Variants in RGS6 observed in about 807,000 individuals in gnomAD.
RGS6 encodes regulator of G-protein signaling 6.
A neutral mutation model predicts 78.5 loss-of-function variants in RGS6; 30 were observed. The observed-to-expected ratio is 0.38, with a 90% CI of 0.29 to 0.52. The LOEUF (loss-of-function observed/expected upper bound fraction) is 0.52, where lower values mean the gene tolerates loss of function less well. Ranked by LOEUF, RGS6 falls within the 20% of genes least tolerant of loss-of-function variation. RGS6 has a pLI of 0.85. For missense variants in RGS6, 495 were observed against 609.7 expected (o/e 0.81, Z 1.98); for synonymous variants, 206 against 206.0 (o/e 1.00, Z 0.00).
intron 2 of RGS6, among the ~76,000 whole-genome samples, chr14:71,984,874 AG>A (rs1162677778): frequency 6.6e-6 from 1 of 152,178 alleles, no homozygotes; most frequent in African/African-American, 2.4e-5. Context: ...CCATTTAAAA[AG>A]TAATAATTCA....
intron 2 of RGS6, among the ~76,000 whole-genome samples, chr14:72,168,749 C>T (rs576222687): frequency 6.6e-4 from 100 of 152,316 alleles, no homozygotes; most frequent in African/African-American, 2.2e-3. Context: ...GGGAGAAGTA[C>T]GGCTCTGCTA....
chr14:71,971,866 T>C (rs2093822350), intron 2 of RGS6, among the ~76,000 whole-genome samples: 1 of 151,700 alleles, frequency 6.6e-6, no homozygotes, highest in Non-Finnish European at 1.5e-5. Flanking sequence ...TAGTTATTTA[T>C]GACACGTGTC....
chr14:72,466,706 G>T (rs2095923512), intron 7 of RGS6, among the ~76,000 whole-genome samples: 1 of 152,238 alleles, frequency 6.6e-6, no homozygotes, highest in Admixed American at 6.5e-5. Context: ...ATCAATGATT[G>T]CTAGTGGTTA....
chr14:72,162,557 G>C (rs1307160951), intron 2 of RGS6, among the ~76,000 whole-genome samples: 1 of 152,188 alleles, frequency 6.6e-6, no homozygotes, highest in African/African-American at 2.4e-5. Context: ...CCAGGCAACT[G>C]TAAGACAGCG....
intron 14 of RGS6, among the ~76,000 whole-genome samples, chr14:72,517,595 C>T (rs1196609783): frequency 6.6e-6 from 1 of 152,204 alleles, no homozygotes; most frequent in Non-Finnish European, 1.5e-5. Context: ...TCAACATATG[C>T]CTCTTCAGCA....
At chr14:72,080,816 T>C (rs2094790685) in intron 2 of RGS6, among the ~76,000 whole-genome samples, 1 of 152,026 alleles carries the variant, frequency 6.6e-6, no homozygotes, top group African/African-American at 2.4e-5. Context: ...TGTAAAAAAA[T>C]CTATTGACCA....
chr14:72,581,085 C>G, the RGS6 span, among the ~76,000 whole-genome samples: 1 of 152,190 alleles, frequency 6.6e-6, no homozygotes, highest in East Asian at 1.9e-4. Context: ...CAAGGGGAAT[C>G]AATAGCAGTC....
At chr14:71,874,454 G>A in the RGS6 span, among the ~76,000 whole-genome samples, 2 of 152,216 alleles carry the variant, frequency 1.3e-5, no homozygotes, top group East Asian at 3.9e-4. Context: ...GTTTGTTGGT[G>A]GTGTATAGGA....
intron 2 of RGS6, among the ~76,000 whole-genome samples, chr14:72,263,055 C>T (rs2058445624): frequency 1.3e-5 from 2 of 152,128 alleles, no homozygotes. Flanking sequence ...ATATTAGCAG[C>T]CTGGACCCAG....
intron 12 of RGS6, among the ~76,000 whole-genome samples, chr14:72,491,985 G>A (rs1428392491): frequency 6.6e-6 from 1 of 152,118 alleles, no homozygotes; most frequent in Non-Finnish European, 1.5e-5. Context: ...GAGAAATTGA[G>A]CCACATACGC....
At chr14:72,280,261 G>A (rs1049671956) in intron 2 of RGS6, among the ~76,000 whole-genome samples, 6 of 152,052 alleles carry the variant, frequency 3.9e-5, no homozygotes, top group African/African-American at 1.2e-4. Flanking sequence ...ATCAGAAAAA[G>A]TGAATAGGTT....
intron 2 of RGS6, among the ~76,000 whole-genome samples, chr14:72,195,532 G>C (rs556883514): frequency 1.3e-5 from 2 of 152,202 alleles, no homozygotes; most frequent in Non-Finnish European, 2.9e-5. Context: ...GAGAAGAAAA[G>C]AGGAATTAGC....
chr14:72,072,135 G>T (rs910985862), intron 2 of RGS6, among the ~76,000 whole-genome samples: 5 of 152,192 alleles, frequency 3.3e-5, no homozygotes, highest in African/African-American at 1.2e-4. Context: ...GGCAGGTGCT[G>T]TTGTTAAGCC....
At chr14:72,608,983 A>T in the RGS6 span, among the ~76,000 whole-genome samples, 4 of 152,332 alleles carry the variant, frequency 2.6e-5, no homozygotes, top group East Asian at 5.8e-4. Flanking sequence ...CAGGATCTCT[A>T]CATTTGCAAG....
At chr14:72,124,544 C>T (rs2096140336) in intron 2 of RGS6, among the ~76,000 whole-genome samples, 2 of 152,146 alleles carry the variant, frequency 1.3e-5, no homozygotes, top group South Asian at 4.2e-4. Context: ...GTGTCTTAGG[C>T]ATTTGAAATA....
chr14:72,216,936 C>G (rs988324730), intron 2 of RGS6, among the ~76,000 whole-genome samples: 2 of 152,086 alleles, frequency 1.3e-5, no homozygotes, highest in Non-Finnish European at 2.9e-5. Context: ...ATAGAAATAA[C>G]TTTGACCTTT....
At chr14:72,185,257 C>T (rs1404614330) in intron 2 of RGS6, among the ~76,000 whole-genome samples, 1 of 152,058 alleles carries the variant, frequency 6.6e-6, no homozygotes, top group Non-Finnish European at 1.5e-5. Flanking sequence ...TCTCCCAGTC[C>T]ACTGACTCAA....
intron 2 of RGS6, among the ~76,000 whole-genome samples, chr14:72,336,028 T>C (rs1520331): frequency 0.56 from 84,605 of 152,020 alleles, 24,326 homozygotes; most frequent in African/African-American, 0.69. Context: ...ACTCAGGTCA[T>C]CATGTTTCTG....
At chr14:72,394,456 T>C (rs78329089) in intron 3 of RGS6, among the ~76,000 whole-genome samples, 3,690 of 152,264 alleles carry the variant, frequency 0.024, 92 homozygotes, top group South Asian at 0.088. Flanking sequence ...TAACATCTTA[T>C]CAACCGTAAA....
Sources: gnomAD v4.1 joint callset for allele counts (sites outside exome capture counted in the v4.1 genomes callset) on GRCh38, gnomAD v4.1.1 for gene constraint, MANE v1.5 for transcripts, NCBI Gene and HGNC (gene_info 2026-07-23, HGNC 2026-07-21) for gene names.